FRMPD1: variants seen among roughly 807,000 people sequenced by gnomAD.
The protein encoded by FRMPD1 is FERM and PDZ domain-containing protein 1.
Under a neutral mutation model 117.8 loss-of-function variants are expected in FRMPD1, and 76 were observed. That is an observed-to-expected ratio of 0.65 (90% CI 0.54 to 0.78). The LOEUF is 0.78. Among genes scored for constraint, FRMPD1 ranks in the 30% least tolerant of loss-of-function variants. The pLI is 0.00. For missense variants in FRMPD1, 1,786 were observed against 1,964.5 expected, an observed-to-expected ratio of 0.91 and a Z score of 1.72; for synonymous variants, 783 against 770.4, an observed-to-expected ratio of 1.02 and a Z score of -0.27.
At chr9:37,633,985 A>AC in the FRMPD1 span, among the ~76,000 whole-genome samples, 1 of 152,198 alleles carries the variant, frequency 6.6e-6, no homozygotes, top group Non-Finnish European at 1.5e-5. Context: ...CTCCTGCCCC[A>AC]TCTCTCTCTA....
At chr9:37,658,672 G>A (rs905467551) in intron 1 of FRMPD1, among the ~76,000 whole-genome samples, 4 of 152,060 alleles carry the variant, frequency 2.6e-5, no homozygotes, top group East Asian at 1.9e-4. Flanking sequence ...CCCTGGTCAC[G>A]TTGCCTCCTC....
Position 37,744,757 on chromosome 9 carries a change from A to G in FRMPD1, c.2725A>G (p.Arg909Gly). The G allele has an allele frequency of 6.2e-7, 1 of 1,614,076 alleles. No homozygotes were observed. Among genetic ancestry groups the G allele is most frequent in the Non-Finnish European group, 8.5e-7 (1 of 1,179,998 alleles). The change falls in exon 16 of 16, where the codon AGG (arginine) becomes GGG (glycine). Residue 909 changes from arginine to glycine, a missense_variant. Physicochemically the swap from Arg to Gly is moderately radical, Grantham distance 125. Coordinates refer to ENST00000377765, the MANE Select transcript of FRMPD1 (RefSeq NM_014907.3). ...GGCCTTGGGGCTGCTGGCTCCTCTG[A>G]GGGAGACCAAGAGCACAAACCCAGC... Reference protein sequence around the residue: ...TKALGLLAPLRETKSTNPASR... With the variant: ...TKALGLLAPLGETKSTNPASR...
At chr9:37,637,194 T>C in the FRMPD1 span, 1 of 1,609,718 alleles carries the variant, frequency 6.2e-7, no homozygotes, top group Non-Finnish European at 8.5e-7. Context: ...TAGCTCTCTG[T>C]GTAAGGGTCA....
At chr9:37,629,062 G>A in the FRMPD1 span, among the ~76,000 whole-genome samples, 369 of 152,300 alleles carry the variant, frequency 2.4e-3, 2 homozygotes, top group African/African-American at 8.4e-3. Context: ...AGCTAGACGT[G>A]GTGGCACATG....
intron 1 of FRMPD1, chr9:37,661,663 T>G (rs7032902): frequency 0.23 from 35,150 of 152,150 alleles, 4,193 homozygotes; most frequent in Middle Eastern, 0.28. Flanking sequence ...CCACCACCTC[T>G]CTGTGTGAAT....
In FRMPD1 at chr9:37,744,484, G is replaced by C. The variant is rs1338423006; in HGVS notation, c.2452G>C (p.Asp818His). The C allele has an allele frequency of 3.1e-6, 5 of 1,614,056 alleles. No homozygotes were observed. In the African/African-American group the frequency reaches 5.3e-5, roughly 17 times the overall value. Residue 818 changes from aspartate (D) to histidine (H), a missense_variant, in exon 16 of 16, where the codon GAT becomes CAT. By Grantham distance (81) the Asp-to-His change is moderately conservative. Coordinates refer to ENST00000377765, the MANE Select transcript of FRMPD1 (RefSeq NM_014907.3). Reference sequence around the variant, plus strand: ...TGAGAACAGCCTGCCTTGTGGGCCAGATGGAAGACAGCCAAGCAGGAGGGG... The same window carrying C: ...TGAGAACAGCCTGCCTTGTGGGCCACATGGAAGACAGCCAAGCAGGAGGGG... ...SPENSLPCGPDGRQPSRRGGV... is the reference protein window; with the variant it reads ...SPENSLPCGPHGRQPSRRGGV...
rs1368123177 is a variant in FRMPD1 at position 37,746,713 on chromosome 9, C to G, written c.4681C>G (p.Leu1561Val). The change falls in exon 16 of 16, where the codon CTC becomes GTC. Residue 1561 changes from leucine to valine, a missense_variant. Transcript: ENST00000377765. ...VKLLARQCTA[L>V]TAAVFCLTQK... is the part of the protein sequence containing the mutation. Reference sequence around the variant, plus strand: ...ACTCCTGGCCCGTCAGTGCACGGCCCTCACGGCCGCCGTGTTCTGTTTGAC... The same window carrying G: ...ACTCCTGGCCCGTCAGTGCACGGCCGTCACGGCCGCCGTGTTCTGTTTGAC... The G allele has an allele frequency of 1.2e-6, 2 of 1,613,954 alleles. No individual in the cohort carries two copies. The highest frequency in any genetic ancestry group is 2.2e-5 in the South Asian group (2 of 91,092).
At chr9:37,707,083 C>T (rs1822734412) in intron 2 of FRMPD1, among the ~76,000 whole-genome samples, 1 of 152,182 alleles carries the variant, frequency 6.6e-6, no homozygotes, top group South Asian at 2.1e-4. Flanking sequence ...GCTCAAATGC[C>T]ACCTCTTCCA....
upstream of FRMPD1, among the ~76,000 whole-genome samples, chr9:37,649,222 C>A (rs185172187): frequency 2.1e-4 from 32 of 152,284 alleles, no homozygotes; most frequent in African/African-American, 7.7e-4. Context: ...GATGATTAAT[C>A]TTTATCTACA....
the FRMPD1 span, among the ~76,000 whole-genome samples, chr9:37,618,449 T>C: frequency 1.3e-5 from 2 of 152,130 alleles, no homozygotes; most frequent in Non-Finnish European, 2.9e-5. Flanking sequence ...TCATCCCGAT[T>C]GGTCTCCTTG....
chr9:37,682,390 C>T (rs1821760130), intron 1 of FRMPD1, among the ~76,000 whole-genome samples: 1 of 152,130 alleles, frequency 6.6e-6, no homozygotes, highest in African/African-American at 2.4e-5. Flanking sequence ...GTTGGACATC[C>T]AGGAAGATGT....
At chr9:37,612,614 G>A in the FRMPD1 span, among the ~76,000 whole-genome samples, 3 of 151,420 alleles carry the variant, frequency 2.0e-5, no homozygotes, top group Non-Finnish European at 2.9e-5. Context: ...TGCCTCCCGG[G>A]TTCAAGCGAT....
At chr9:37,605,620 C>T in the FRMPD1 span, among the ~76,000 whole-genome samples, 2 of 152,154 alleles carry the variant, frequency 1.3e-5, no homozygotes, top group Admixed American at 6.6e-5. Flanking sequence ...GCCTTAGGAC[C>T]TCTGTCCTGG....
At chr9:37,610,459 G>A in the FRMPD1 span, among the ~76,000 whole-genome samples, 1 of 142,588 alleles carries the variant, frequency 7.0e-6, no homozygotes, top group South Asian at 2.2e-4. Context: ...TAGAGACGGA[G>A]TCCCACTCTG....
At chr9:37,697,410 C>A (rs1247448196) in intron 2 of FRMPD1, among the ~76,000 whole-genome samples, 3 of 150,298 alleles carry the variant, frequency 2.0e-5, no homozygotes, top group Non-Finnish European at 3.0e-5. Context: ...AAAAAAAAAA[C>A]AAAAAAATTA....
the FRMPD1 span, chr9:37,637,323 C>G: frequency 9.3e-7 from 1 of 1,079,048 alleles, no homozygotes; most frequent in Non-Finnish European, 1.4e-6. Flanking sequence ...TCAGTCGCTC[C>G]CAGTCGGCTC....
At chr9:37,696,518 A>G (rs1439149266) in intron 2 of FRMPD1, among the ~76,000 whole-genome samples, 1 of 152,194 alleles carries the variant, frequency 6.6e-6, no homozygotes. Flanking sequence ...ATTCATTGAA[A>G]TATATTTAAA....
At chr9:37,668,254 G>A (rs1395995495) in intron 1 of FRMPD1, 1 of 152,242 alleles carries the variant, frequency 6.6e-6, no homozygotes, top group Non-Finnish European at 1.5e-5. Flanking sequence ...AAGGAGAGAA[G>A]CCAGACATGT....
chr9:37,699,922 T>TAC (rs72363621), intron 2 of FRMPD1, among the ~76,000 whole-genome samples: 21,269 of 152,084 alleles, frequency 0.14, 1,672 homozygotes, highest in Middle Eastern at 0.19. Flanking sequence ...CACACACATA[T>TAC]ACACACATTT....
Sources: gnomAD v4.1 joint callset for allele counts (sites outside exome capture counted in the v4.1 genomes callset) on GRCh38, gnomAD v4.1.1 for gene constraint, MANE v1.5 for transcripts, NCBI Gene and HGNC (gene_info 2026-07-23, HGNC 2026-07-21) for gene names.